The following GLRA1 variants were observed in gnomAD, a reference collection of about 807,000 sequenced individuals.
GLRA1 encodes glycine receptor subunit alpha-1.
In GLRA1, 37 loss-of-function variants were observed where a neutral mutation model predicts 48.3. That is an observed-to-expected ratio of 0.77 (90% CI 0.59 to 1.01). The LOEUF is 1.01. Ranked by LOEUF, GLRA1 falls within the 50% of genes least tolerant of loss-of-function variation. GLRA1 has a pLI of 0.00. For synonymous variants in GLRA1, 196 were observed against 210.7 expected (o/e 0.93, Z 0.60); for missense variants, 427 against 571.0 (o/e 0.75, Z 2.57).
chr5:151,824,599 C>G (rs903938945), intron 8 of GLRA1, among the ~76,000 whole-genome samples: 9 of 152,088 alleles, frequency 5.9e-5, no homozygotes, highest in African/African-American at 2.2e-4. Flanking sequence ...TTCTCCCTGC[C>G]TAGAACACAC....
At chr5:151,897,406 C>A (rs1030209765) in intron 1 of GLRA1, among the ~76,000 whole-genome samples, 8 of 151,804 alleles carry the variant, frequency 5.3e-5, no homozygotes, top group Non-Finnish European at 1.0e-4. Flanking sequence ...ATGAAACACT[C>A]AATTGTTAAA....
intron 4 of GLRA1, among the ~76,000 whole-genome samples, chr5:151,858,986 T>G (rs547440070): frequency 6.6e-6 from 1 of 152,204 alleles, no homozygotes; most frequent in Non-Finnish European, 1.5e-5. Context: ...ACTAACAAAC[T>G]GGAAACTTTG....
chr5:151,905,870 A>G (rs1409899681), intron 1 of GLRA1, among the ~76,000 whole-genome samples: 2 of 152,208 alleles, frequency 1.3e-5, no homozygotes, highest in Non-Finnish European at 2.9e-5. Context: ...TCTTAGTGAC[A>G]GATTGTTCAG....
chr5:151,851,499 A>T lies in GLRA1; in HGVS notation c.803T>A (p.Ile268Asn), dbSNP rs1157404403. 6.2e-7 allele frequency: 1 copy of T among 1,613,706 alleles called. No homozygotes were observed. Among genetic ancestry groups the T allele is most frequent in the Non-Finnish European group, 8.5e-7 (1 of 1,179,736 alleles). ...PSLLIVILSW[I>N]SFWINMDAAP... ...AGCATCCATGTTGATCCAGAAGGAG[A>T]TCCATGAGAGGATGACAATGAGCAG... is the stretch of plus-strand genomic sequence containing the variant. Residue 268 changes from isoleucine (I) to asparagine (N), a missense_variant, in exon 7 of 9, where the codon ATC becomes AAC. Ile to Asn is a moderately radical substitution (Grantham distance 149). Transcript: ENST00000274576.
chr5:151,868,216 C>T (rs1239951750), intron 3 of GLRA1, among the ~76,000 whole-genome samples: 1 of 152,176 alleles, frequency 6.6e-6, no homozygotes, highest in Non-Finnish European at 1.5e-5. Context: ...ATTCAATTGA[C>T]TAAGGTGGAA....
rs1047432199 is a variant in GLRA1, at chr5:151,851,380, T to A, written c.912+10A>T. On this transcript the variant is annotated intron_variant, in intron 7 of 8. Coordinates refer to ENST00000274576, the MANE Select transcript of GLRA1 (RefSeq NM_000171.4). ...CCAGGTGTTCTGTGCTCTTGGGCAA[T>A]GGGACTTACCTTGGGCAGAGATGCT... is the stretch of plus-strand genomic sequence containing the variant. 1.3e-6 allele frequency: 2 copies of A among 1,597,706 alleles called. No individual in the cohort carries two copies. Among genetic ancestry groups the A allele is most frequent in the Non-Finnish European group, 1.7e-6 (2 of 1,166,090 alleles).
chr5:151,904,555 G>C (rs1202835652), intron 1 of GLRA1, among the ~76,000 whole-genome samples: 3 of 152,162 alleles, frequency 2.0e-5, no homozygotes, highest in Non-Finnish European at 2.9e-5. Flanking sequence ...TAATGTGGAA[G>C]AAAGCATAAG....
At chr5:151,922,347 C>G (rs1035660130) in intron 1 of GLRA1, among the ~76,000 whole-genome samples, 2 of 152,250 alleles carry the variant, frequency 1.3e-5, no homozygotes, top group African/African-American at 2.4e-5. Context: ...AATGAAAATA[C>G]CAATTGAACA....
intron 6 of GLRA1, 41 bp downstream of exon 6, chr5:151,854,999 G>C: frequency 6.2e-7 from 1 of 1,603,978 alleles, no homozygotes; most frequent in Non-Finnish European, 8.5e-7. Context: ...TCTGGTCCTG[G>C]TTGGGGGGTG....
intron 3 of GLRA1, among the ~76,000 whole-genome samples, chr5:151,871,117 G>C (rs1420369847): frequency 6.7e-6 from 1 of 149,390 alleles, no homozygotes; most frequent in Middle Eastern, 3.2e-3. Context: ...CCCATGGTCT[G>C]CTTGTGATAG....
intron 2 of GLRA1, among the ~76,000 whole-genome samples, chr5:151,891,624 C>A (rs1754071321): frequency 6.6e-6 from 1 of 152,286 alleles, no homozygotes; most frequent in South Asian, 2.1e-4. Flanking sequence ...TCCCTACTGT[C>A]TTACTCTTGG....
At chr5:151,911,130 G>C (rs1468043682) in intron 1 of GLRA1, among the ~76,000 whole-genome samples, 5 of 152,196 alleles carry the variant, frequency 3.3e-5, no homozygotes, top group Admixed American at 6.5e-5. Flanking sequence ...CAGTGGCCTT[G>C]AGCTCAACAT....
intron 6 of GLRA1, among the ~76,000 whole-genome samples, chr5:151,853,810 T>A (rs1408061481): frequency 1.3e-5 from 2 of 152,198 alleles, no homozygotes; most frequent in East Asian, 3.8e-4. Flanking sequence ...TTTGTCCTCA[T>A]GTCTTCTAGA....
chr5:151,910,391 G>T (rs1004951031), intron 1 of GLRA1, among the ~76,000 whole-genome samples: 1 of 152,096 alleles, frequency 6.6e-6, no homozygotes, highest in African/African-American at 2.4e-5. Context: ...GTTCCCCATG[G>T]TCTCATTCTC....
chr5:151,842,191 A>C (rs1304389772), intron 7 of GLRA1, among the ~76,000 whole-genome samples: 1 of 152,212 alleles, frequency 6.6e-6, no homozygotes, highest in Non-Finnish European at 1.5e-5. Context: ...AAACATTTAA[A>C]GAATTCACAC....
At chr5:151,920,036 C>A (rs1045587142) in intron 1 of GLRA1, among the ~76,000 whole-genome samples, 44 of 152,346 alleles carry the variant, frequency 2.9e-4, no homozygotes, top group African/African-American at 1.1e-3. Context: ...TTAAAGGGAG[C>A]AGTGTCTCCC....
intron 3 of GLRA1, among the ~76,000 whole-genome samples, chr5:151,885,196 A>G (rs1345999512): frequency 1.3e-5 from 2 of 152,340 alleles, no homozygotes; most frequent in Non-Finnish European, 2.9e-5. Flanking sequence ...TTAGGACCAA[A>G]TACTGGTTTT....
At chr5:151,888,201 T>C (rs1403506799) in intron 2 of GLRA1, among the ~76,000 whole-genome samples, 5 of 151,932 alleles carry the variant, frequency 3.3e-5, no homozygotes, top group Non-Finnish European at 5.9e-5. Context: ...CTGGCACCCA[T>C]TGCATTCTGT....
At chr5:151,905,419 G>A (rs1366072371) in intron 1 of GLRA1, among the ~76,000 whole-genome samples, 1 of 151,482 alleles carries the variant, frequency 6.6e-6, no homozygotes. Context: ...TTAAATGACT[G>A]CATATGCCAG....
Sources: gnomAD v4.1 joint callset for allele counts (sites outside exome capture counted in the v4.1 genomes callset) on GRCh38, gnomAD v4.1.1 for gene constraint, MANE v1.5 for transcripts, NCBI Gene and HGNC (gene_info 2026-07-23, HGNC 2026-07-21) for gene names.